Variants in SDK1 observed in about 807,000 individuals in gnomAD.
SDK1 encodes the protein sidekick cell adhesion molecule 1.
SDK1 carries 157 observed loss-of-function variants against 245.5 expected under a neutral mutation model. The ratio of observed to expected loss-of-function variants is 0.64; its 90% CI spans 0.56 to 0.73. The LOEUF is 0.73. Ranked by LOEUF, SDK1 falls within the 30% of genes least tolerant of loss-of-function variation. The pLI, the probability that SDK1 is intolerant of heterozygous loss-of-function variation, is 0.00. For missense variants in SDK1, 3,583 were observed against 3,002.3 expected (o/e 1.19, Z -4.52); for synonymous variants, 1,647 against 1,278.5 (o/e 1.29, Z -6.15).
At chr7:3,649,441 C>G (rs1001298665) in intron 4 of SDK1, among the ~76,000 whole-genome samples, 1 of 151,906 alleles carries the variant, frequency 6.6e-6, no homozygotes, top group African/African-American at 2.4e-5. Flanking sequence ...GCTCTGCCCT[C>G]CTGCTTGTCT....
intron 4 of SDK1, among the ~76,000 whole-genome samples, chr7:3,721,401 A>T (rs537607820): frequency 5.9e-5 from 9 of 152,212 alleles, no homozygotes; most frequent in Admixed American, 2.0e-4. Context: ...AATGGGTTTC[A>T]CTGTACATTT....
chr7:3,510,538 C>G (rs542881851), intron 1 of SDK1, among the ~76,000 whole-genome samples: 4 of 152,176 alleles, frequency 2.6e-5, no homozygotes, highest in African/African-American at 9.6e-5. Context: ...GACCCAAACC[C>G]CAAATGAGGA....
At chr7:3,394,750 G>A (rs573825416) in intron 1 of SDK1, among the ~76,000 whole-genome samples, 2 of 152,004 alleles carry the variant, frequency 1.3e-5, no homozygotes, top group East Asian at 1.9e-4. Context: ...TTATTTGTAT[G>A]TACTTTTTTA....
intron 1 of SDK1, among the ~76,000 whole-genome samples, chr7:3,405,178 A>G (rs531869904): frequency 7.6e-6 from 1 of 131,008 alleles, no homozygotes; most frequent in East Asian, 1.9e-4. Flanking sequence ...AAACAAAAAC[A>G]AAAACAAAAA....
intron 4 of SDK1, among the ~76,000 whole-genome samples, chr7:3,648,598 C>T (rs535210788): frequency 6.6e-6 from 1 of 152,184 alleles, no homozygotes; most frequent in Non-Finnish European, 1.5e-5. Flanking sequence ...ATTTCAATTT[C>T]TTCAAGAAAG....
chr7:4,014,241 C>G (rs953075934), intron 16 of SDK1, among the ~76,000 whole-genome samples: 3 of 152,216 alleles, frequency 2.0e-5, no homozygotes, highest in African/African-American at 7.2e-5. Flanking sequence ...TAAAACCTCT[C>G]TGATGTTACG....
At chr7:3,961,782 G>T (rs948651516) in intron 8 of SDK1, among the ~76,000 whole-genome samples, 1 of 152,134 alleles carries the variant, frequency 6.6e-6, no homozygotes, top group Non-Finnish European at 1.5e-5. Context: ...CTGCCATTGA[G>T]CACTCACCAG....
intron 1 of SDK1, among the ~76,000 whole-genome samples, chr7:3,515,962 G>C (rs1003448381): frequency 6.6e-6 from 1 of 151,982 alleles, no homozygotes; most frequent in Non-Finnish European, 1.5e-5. Flanking sequence ...AGTATAATTA[G>C]GGCTTTCTGC....
chr7:3,694,246 G>A (rs1028885322), intron 4 of SDK1, among the ~76,000 whole-genome samples: 5 of 152,188 alleles, frequency 3.3e-5, no homozygotes, highest in African/African-American at 1.2e-4. Context: ...AGCTCTTTGA[G>A]ATGTGAGAAA....
At chr7:3,536,612 C>T (rs1035418806) in intron 1 of SDK1, among the ~76,000 whole-genome samples, 8 of 151,638 alleles carry the variant, frequency 5.3e-5, no homozygotes, top group Admixed American at 3.9e-4. Flanking sequence ...AAGAATTGCT[C>T]GAACGTGGGA....
At chr7:3,980,752 G>A (rs923768791) in intron 13 of SDK1, among the ~76,000 whole-genome samples, 1 of 152,114 alleles carries the variant, frequency 6.6e-6, no homozygotes, top group East Asian at 1.9e-4. Context: ...GACCAGCCTG[G>A]CCAAGATGGC....
chr7:4,178,918 C>T (rs1010259233), intron 35 of SDK1, among the ~76,000 whole-genome samples: 6 of 152,204 alleles, frequency 3.9e-5, no homozygotes, highest in South Asian at 2.1e-4. Context: ...AATGGAACCT[C>T]GTTATCTGGA....
intron 38 of SDK1, among the ~76,000 whole-genome samples, chr7:4,217,761 C>G (rs1784917882): frequency 6.6e-6 from 1 of 152,104 alleles, no homozygotes; most frequent in South Asian, 2.1e-4. Flanking sequence ...TACCCTGAGG[C>G]TTTGTAGTGC....
At chr7:3,859,072 C>T (rs535690490) in intron 5 of SDK1, among the ~76,000 whole-genome samples, 40 of 151,924 alleles carry the variant, frequency 2.6e-4, no homozygotes, top group Admixed American at 2.0e-3. Context: ...CTGTGTTAGC[C>T]AGGATGGTCT....
At chr7:3,483,986 G>A (rs941590145) in intron 1 of SDK1, among the ~76,000 whole-genome samples, 3 of 152,038 alleles carry the variant, frequency 2.0e-5, no homozygotes, top group Middle Eastern at 3.2e-3. Context: ...TTTGATATAC[G>A]CATATGATGT....
At chr7:3,530,176 G>T (rs1783294921) in intron 1 of SDK1, among the ~76,000 whole-genome samples, 3 of 152,112 alleles carry the variant, frequency 2.0e-5, no homozygotes, top group African/African-American at 7.2e-5. Flanking sequence ...GCTCAAAATA[G>T]CAGTGAGTTT....
chr7:3,695,547 C>G (rs1203838990), intron 4 of SDK1, among the ~76,000 whole-genome samples: 1 of 152,074 alleles, frequency 6.6e-6, no homozygotes, highest in Non-Finnish European at 1.5e-5. Context: ...TCAAAAACTT[C>G]GTTAAATGTC....
At chr7:3,569,750 T>G (rs1249067712) in intron 1 of SDK1, among the ~76,000 whole-genome samples, 2 of 152,172 alleles carry the variant, frequency 1.3e-5, no homozygotes, top group Non-Finnish European at 2.9e-5. Context: ...TCATCTTACT[T>G]TGTTTGAATA....
intron 4 of SDK1, among the ~76,000 whole-genome samples, chr7:3,690,362 T>C (rs1005627095): frequency 2.6e-5 from 4 of 152,132 alleles, no homozygotes; most frequent in Admixed American, 1.3e-4. Flanking sequence ...ATGAGAAAAA[T>C]TGTATTTTTT....
Sources: allele counts gnomAD v4.1 joint callset (sites outside exome capture counted in the v4.1 genomes callset), GRCh38; gene constraint gnomAD v4.1.1; transcripts MANE v1.5; gene names NCBI Gene and HGNC (gene_info 2026-07-23, HGNC 2026-07-21).